Variants in TULP4 observed in about 807,000 individuals in gnomAD.
TULP4 encodes TUB like protein 4.
Under a neutral mutation model 129.0 loss-of-function variants are expected in TULP4, and 16 were observed. The observed-to-expected ratio is 0.12, with a 90% CI of 0.08 to 0.19. TULP4 has a LOEUF of 0.19. TULP4 is among the 10% of genes least tolerant of loss of function. The pLI, the probability that TULP4 is intolerant of heterozygous loss-of-function variation, is 1.00. For synonymous variants in TULP4, 998 were observed against 854.0 expected (o/e 1.17, Z -2.94); for missense variants, 1,842 against 2,059.1 (o/e 0.89, Z 2.04).
At chr6:158,317,998 C>T (rs959053890) in intron 1 of TULP4, among the ~76,000 whole-genome samples, 11 of 152,148 alleles carry the variant, frequency 7.2e-5, no homozygotes, top group South Asian at 6.2e-4. Context: ...CACTTTTTGA[C>T]GGGGTTGTTT....
chr6:158,435,666 C>A (rs867231805), intron 3 of TULP4, among the ~76,000 whole-genome samples: 1 of 152,144 alleles, frequency 6.6e-6, no homozygotes, highest in Non-Finnish European at 1.5e-5. Context: ...CCACACCTAT[C>A]CCGCGCTCAT....
At chr6:158,235,154 G>A (rs1239071385) in intron 1 of TULP4, among the ~76,000 whole-genome samples, 1 of 151,834 alleles carries the variant, frequency 6.6e-6, no homozygotes, top group East Asian at 1.9e-4. Context: ...CTCCAGCCTG[G>A]GTGACACAGC....
At chr6:158,333,833 A>T (rs554681120) in intron 1 of TULP4, among the ~76,000 whole-genome samples, 3 of 152,360 alleles carry the variant, frequency 2.0e-5, no homozygotes, top group African/African-American at 7.2e-5. Context: ...GTTAAAATTT[A>T]TCAAAACTTA....
At chr6:158,254,863 G>A (rs1778215986) in intron 1 of TULP4, among the ~76,000 whole-genome samples, 1 of 152,200 alleles carries the variant, frequency 6.6e-6, no homozygotes, top group South Asian at 2.1e-4. Flanking sequence ...CCCGAGACCG[G>A]AAGTTCCAGA....
At chr6:158,340,174 T>C (rs1780148248) in intron 1 of TULP4, among the ~76,000 whole-genome samples, 1 of 152,170 alleles carries the variant, frequency 6.6e-6, no homozygotes, top group Admixed American at 6.5e-5. Flanking sequence ...GTAACCTTGA[T>C]AATTTGGTGA....
At chr6:158,349,529 G>A (rs1780437470) in intron 1 of TULP4, among the ~76,000 whole-genome samples, 2 of 141,976 alleles carry the variant, frequency 1.4e-5, no homozygotes, top group South Asian at 2.4e-4. Flanking sequence ...GGGTGGCCGG[G>A]CAGAGGCGCT....
chr6:158,236,341 T>C (rs556980953), intron 1 of TULP4, among the ~76,000 whole-genome samples: 22 of 152,328 alleles, frequency 1.4e-4, no homozygotes, highest in African/African-American at 5.3e-4. Context: ...GTGCAACATA[T>C]ATTAAACATC....
At chr6:158,398,546 A>G (rs547659979) in intron 1 of TULP4, 5 of 152,412 alleles carry the variant, frequency 3.3e-5, no homozygotes, top group African/African-American at 1.2e-4. Flanking sequence ...CCACCTCACG[A>G]TGAAGTCAGA....
rs541145268 is a variant in TULP4 at position 158,420,538 on chromosome 6, A to G, written c.381+7345A>G. Among the ~76,000 whole-genome samples, 3 of 152,038 alleles carry G rather than the reference A, an allele frequency of 2.0e-5. No homozygotes were observed. The East Asian group carries it at 5.8e-4, about 30-fold the overall frequency. On this transcript the variant is annotated intron_variant, in intron 2 of 13. Coordinates refer to ENST00000367097, the MANE Select transcript of TULP4 (RefSeq NM_020245.5). ...TTCTTGTTGCCTAGGCTGGAGTGCA[A>G]TGGCGCCATCTCGGCTCACTGCAAT...
chr6:158,352,696 C>T (rs529247342), intron 1 of TULP4, among the ~76,000 whole-genome samples: 8 of 152,226 alleles, frequency 5.3e-5, no homozygotes, highest in East Asian at 3.9e-4. Flanking sequence ...TGCCTGGCCC[C>T]GATACTGGTT....
At chr6:158,475,818 G>A (rs1014976657) in intron 6 of TULP4, among the ~76,000 whole-genome samples, 8 of 152,196 alleles carry the variant, frequency 5.3e-5, no homozygotes, top group African/African-American at 1.9e-4. Context: ...TTTGACTCTT[G>A]TTCTTGCCAA....
In TULP4 at chr6:158,332,104, G is replaced by A. The variant is rs565405108; in HGVS notation, c.252+17836G>A. ...GGAGAATCATTTGAACCCGGGAGGC[G>A]GAGGTTGCAGTTAGCCGAGATCACG... On this transcript the variant is annotated intron_variant, in intron 1 of 13. Coordinates refer to ENST00000367097, the MANE Select transcript of TULP4 (RefSeq NM_020245.5). 5.1e-4 allele frequency among the ~76,000 whole-genome samples: 74 copies of A among 145,576 alleles called. 1 individual carries two copies. Among genetic ancestry groups the A allele is most frequent in the South Asian group, 1.3e-3 (6 of 4,600 alleles).
intron 7 of TULP4, 79 bp from the exon 8 acceptor site, chr6:158,480,976 G>C: frequency 7.6e-7 from 1 of 1,322,458 alleles, no homozygotes; most frequent in Non-Finnish European, 1.0e-6. Context: ...TAGTTGACCT[G>C]CCCCCGTGCC....
intron 1 of TULP4, among the ~76,000 whole-genome samples, chr6:158,235,897 A>AC (rs1777684783): frequency 6.6e-6 from 1 of 152,202 alleles, no homozygotes; most frequent in African/African-American, 2.4e-5. Flanking sequence ...CAAATTCGTT[A>AC]TTGTTTAATG....
intron 1 of TULP4, among the ~76,000 whole-genome samples, chr6:158,374,883 A>G (rs905948639): frequency 4.6e-5 from 7 of 152,202 alleles, no homozygotes; most frequent in African/African-American, 1.2e-4. Context: ...ATTTATTTTC[A>G]TAGTTATCAA....
At position 158,362,350 on chromosome 6, in the gene TULP4, ATT is replaced by A. The variant is rs61368718; in HGVS notation, c.252+48093_252+48094del. On this transcript the variant is annotated intron_variant, in intron 1 of 13. Coordinates refer to ENST00000367097, the MANE Select transcript of TULP4 (RefSeq NM_020245.5). The stretch of plus-strand genomic sequence containing the variant: ...AAGTTTGACTAGCCAACATTGAAGG[ATT>A]TTTTTTTTTTCTTAACAGATGAGGT... Among the ~76,000 whole-genome samples the A allele has an allele frequency of 4.0e-3, 605 of 150,406 alleles. 33 individuals are homozygous for A. The East Asian group carries it at 0.085, about 21-fold the overall frequency.
chr6:158,323,363 C>T (rs999609786), intron 1 of TULP4, among the ~76,000 whole-genome samples: 1 of 152,152 alleles, frequency 6.6e-6, no homozygotes, highest in African/African-American at 2.4e-5. Flanking sequence ...TGTTTCTGTG[C>T]TTAATGTATT....
chr6:158,409,385 AAAG>A (rs1198880608), intron 1 of TULP4, among the ~76,000 whole-genome samples: 1 of 152,210 alleles, frequency 6.6e-6, no homozygotes, highest in Non-Finnish European at 1.5e-5. Context: ...CTTCTTAGTC[AAAG>A]AACATACACT....
chr6:158,261,518 G>A (rs1778352174), intron 1 of TULP4, among the ~76,000 whole-genome samples: 1 of 152,102 alleles, frequency 6.6e-6, no homozygotes, highest in South Asian at 2.1e-4. Context: ...TAAATGTCTT[G>A]GGCTTCAAGG....
Sources: allele counts gnomAD v4.1 joint callset (sites outside exome capture counted in the v4.1 genomes callset), GRCh38; gene constraint gnomAD v4.1.1; transcripts MANE v1.5; gene names NCBI Gene and HGNC (gene_info 2026-07-23, HGNC 2026-07-21).